Variants in KATNIP observed in about 807,000 individuals in gnomAD.
KATNIP encodes the protein katanin-interacting protein.
A neutral mutation model predicts 174.0 loss-of-function variants in KATNIP; 126 were observed. The observed-to-expected ratio is 0.72, with a 90% CI of 0.63 to 0.84. The LOEUF (loss-of-function observed/expected upper bound fraction) is 0.84. Among genes scored for constraint, KATNIP ranks in the 40% least tolerant of loss-of-function variants. The pLI, the probability that KATNIP is intolerant of heterozygous loss-of-function variation, is 0.00. For synonymous variants in KATNIP, 810 were observed against 835.7 expected, an observed-to-expected ratio of 0.97 and a Z score of 0.53; for missense variants, 1,958 against 2,109.7, an observed-to-expected ratio of 0.93 and a Z score of 1.41.
intron 3 of KATNIP, among the ~76,000 whole-genome samples, chr16:27,626,074 C>T (rs1462727738): frequency 6.6e-6 from 1 of 151,966 alleles, no homozygotes; most frequent in East Asian, 1.9e-4. Context: ...AATCTCAGAA[C>T]GCCTGGGCTC....
intron 13 of KATNIP, 38 bp from the exon 14 acceptor site, chr16:27,721,520 A>G (rs532856905): frequency 6.2e-7 from 1 of 1,613,308 alleles, no homozygotes; most frequent in East Asian, 2.2e-5. Context: ...AGAGGCAGAA[A>G]TGTGCCTAAT....
chr16:27,591,922 G>A (rs1335344572), intron 2 of KATNIP, among the ~76,000 whole-genome samples: 1 of 152,072 alleles, frequency 6.6e-6, no homozygotes, highest in African/African-American at 2.4e-5. Context: ...ATTTTTTCAA[G>A]CTACTCTTGC....
At chr16:27,674,692 G>A (rs1310561371) in intron 6 of KATNIP, among the ~76,000 whole-genome samples, 1 of 152,174 alleles carries the variant, frequency 6.6e-6, no homozygotes, top group African/African-American at 2.4e-5. Flanking sequence ...AGGTCCCTTT[G>A]CCCTGTAAGG....
At position 27,700,645 on chromosome 16, in the gene KATNIP, A is replaced by T. The variant is rs909559705; in HGVS notation, c.1180-944A>T. Among the ~76,000 whole-genome samples the T allele has an allele frequency of 2.0e-5, 3 of 152,220 alleles. No individual in the cohort carries two copies. The East Asian group carries it at 5.8e-4, about 29-fold the overall frequency. On this transcript the variant is annotated intron_variant, in intron 10 of 27. Coordinates refer to ENST00000261588, the MANE Select transcript of KATNIP (RefSeq NM_015202.5). ...TGCCTGTTCGGAAGGCACCAGCAAC[A>T]GGGAACGGCATTCCAGGTGGAAGGA...
chr16:27,740,203 CACTCGG>C lies in KATNIP; in HGVS notation c.1908_1913del (p.His636_Glu638delinsGln). 1.2e-6 allele frequency: 2 copies of C among 1,614,190 alleles called. No individual in the cohort carries two copies. Among genetic ancestry groups the C allele is most frequent in the Non-Finnish European group, 1.7e-6 (2 of 1,180,046 alleles). ...GCAACTAGAGGAGGCCATGAACGCTCACTCGGAAGAAAGCAAAGGCACCCATGAGAT... is the reference window on the plus strand; with the variant it reads ...GCAACTAGAGGAGGCCATGAACGCTCAAGAAAGCAAAGGCACCCATGAGAT... On this transcript the variant is annotated inframe_deletion, in exon 15 of 28. Transcript: ENST00000261588.
intron 20 of KATNIP, 108 bp downstream of exon 20, chr16:27,766,582 C>A: frequency 3.4e-6 from 4 of 1,187,832 alleles, no homozygotes; most frequent in Non-Finnish European, 4.7e-6. Flanking sequence ...CAGAATTTTC[C>A]AAACGGAGCT....
At chr16:27,722,126 C>G (rs2080269297) in intron 14 of KATNIP, among the ~76,000 whole-genome samples, 1 of 152,172 alleles carries the variant, frequency 6.6e-6, no homozygotes, top group African/African-American at 2.4e-5. Context: ...TGCTAAAATG[C>G]AGGTTCTAAT....
chr16:27,762,291 A>T (rs937191242), intron 19 of KATNIP, among the ~76,000 whole-genome samples: 2 of 152,196 alleles, frequency 1.3e-5, no homozygotes, highest in African/African-American at 4.8e-5. Context: ...TAACCTCTTC[A>T]ATAATAACAG....
intron 13 of KATNIP, among the ~76,000 whole-genome samples, chr16:27,714,186 G>A (rs1223606920): frequency 6.6e-6 from 1 of 151,868 alleles, no homozygotes; most frequent in African/African-American, 2.4e-5. Context: ...TCTGGAGGAG[G>A]CCTGTTCCCT....
At chr16:27,632,257 C>G (rs1339595043) in intron 5 of KATNIP, among the ~76,000 whole-genome samples, 1 of 152,228 alleles carries the variant, frequency 6.6e-6, no homozygotes, top group Non-Finnish European at 1.5e-5. Context: ...AGGGTGGCAG[C>G]CTCCCTCCCG....
At chr16:27,626,092 C>G (rs1222339196) in intron 3 of KATNIP, among the ~76,000 whole-genome samples, 1 of 152,036 alleles carries the variant, frequency 6.6e-6, no homozygotes, top group Non-Finnish European at 1.5e-5. Context: ...CTCAAGCAGT[C>G]CAGTCTGCCT....
intron 15 of KATNIP, among the ~76,000 whole-genome samples, chr16:27,744,127 G>A (rs1293394746): frequency 6.6e-6 from 1 of 152,184 alleles, no homozygotes. Context: ...AAATACCGTA[G>A]CCATGCCCTT....
chr16:27,774,566 G>A lies in KATNIP; in HGVS notation c.4310-379G>A, dbSNP rs911733962. Among the ~76,000 whole-genome samples the A allele has an allele frequency of 2.0e-4, 30 of 152,100 alleles. 1 individual carries two copies. Among genetic ancestry groups the A allele is most frequent in the African/African-American group, 7.2e-4 (30 of 41,416 alleles). ...GCTCGGCATGATACTCACATGCCAG[G>A]GTAGAATCCAGCCACCGCCCCATTC... On this transcript the variant is annotated intron_variant, in intron 23 of 27. Transcript: ENST00000261588.
Position 27,550,178 on chromosome 16 carries a change from G to A in KATNIP, c.7+1G>A. On this transcript the variant is annotated splice_donor_variant, in intron 1 of 27. Transcript: ENST00000261588. LOFTEE classifies it high-confidence loss of function. ...GAACCGCCGCCTCTAGGGATGGACG[G>A]TGAGTGTCTGTGGGCCCCTCCGGGA... is the stretch of plus-strand genomic sequence containing the variant. The A allele has an allele frequency of 6.2e-7, 1 of 1,611,332 alleles. No homozygotes were observed. Among genetic ancestry groups the A allele is most frequent in the South Asian group, 1.1e-5 (1 of 90,926 alleles).
chr16:27,728,342 G>T (rs988620067), intron 14 of KATNIP, among the ~76,000 whole-genome samples: 22 of 152,252 alleles, frequency 1.4e-4, no homozygotes, highest in Non-Finnish European at 2.9e-5. Flanking sequence ...GTACAGGCAC[G>T]GTAGCCATGA....
chr16:27,563,891 TAAA>T (rs58505514), intron 1 of KATNIP, among the ~76,000 whole-genome samples: 2 of 66,708 alleles, frequency 3.0e-5, no homozygotes, highest in South Asian at 9.1e-4. Flanking sequence ...TCTAGTAAAT[TAAA>T]AAAAAAAAAA....
intron 15 of KATNIP, among the ~76,000 whole-genome samples, chr16:27,745,739 C>G (rs893018349): frequency 6.6e-6 from 1 of 152,186 alleles, no homozygotes; most frequent in African/African-American, 2.4e-5. Flanking sequence ...ACCATCTCAT[C>G]ACTGGGGGCC....
At chr16:27,710,399 C>T (rs978342511) in intron 13 of KATNIP, among the ~76,000 whole-genome samples, 4 of 152,094 alleles carry the variant, frequency 2.6e-5, no homozygotes, top group African/African-American at 9.7e-5. Context: ...AAAAAAAGAT[C>T]GGGGAGGGTA....
intron 13 of KATNIP, among the ~76,000 whole-genome samples, chr16:27,712,123 T>C (rs887475976): frequency 1.3e-5 from 2 of 152,226 alleles, no homozygotes; most frequent in Non-Finnish European, 2.9e-5. Flanking sequence ...CTTTCTTCTG[T>C]TTAGCAGAGA....
Sources: allele counts gnomAD v4.1 joint callset (sites outside exome capture counted in the v4.1 genomes callset), GRCh38; gene constraint gnomAD v4.1.1; transcripts MANE v1.5; gene names NCBI Gene and HGNC (gene_info 2026-07-23, HGNC 2026-07-21).